Variants in PLEKHG4B observed in about 807,000 individuals in gnomAD.
The protein encoded by PLEKHG4B is pleckstrin homology and RhoGEF domain containing G4B, also known as pleckstrin homology domain-containing family G member 4B.
In PLEKHG4B, 111 loss-of-function variants were observed where a neutral mutation model predicts 121.3. The observed-to-expected ratio is 0.92, with a 90% CI of 0.78 to 1.07. The LOEUF is 1.07. Ranked by LOEUF, PLEKHG4B falls within the 50% of genes least tolerant of loss-of-function variation. The pLI, the probability that PLEKHG4B is intolerant of heterozygous loss-of-function variation, is 0.00. For synonymous variants in PLEKHG4B, 738 were observed against 725.0 expected, an observed-to-expected ratio of 1.02 and a Z score of -0.29; for missense variants, 1,831 against 1,757.8, an observed-to-expected ratio of 1.04 and a Z score of -0.74.
In PLEKHG4B at chr5:154,847, A is replaced by G. The variant is rs377259632; in HGVS notation, c.1993-28A>G. Reference sequence around the variant, plus strand: ...GCCCCCAAGAGATGCATCTGGAGCCATGACCAACGAGTGCCTCTTCTTGGC... The same window carrying G: ...GCCCCCAAGAGATGCATCTGGAGCCGTGACCAACGAGTGCCTCTTCTTGGC... On this transcript the variant is annotated intron_variant, in intron 7 of 19. Transcript: ENST00000637938. 3.1e-5 allele frequency: 49 copies of G among 1,568,492 alleles called. 2 individuals carry two copies. The African/African-American group carries it at 3.4e-4, about 11-fold the overall frequency.
intron 6 of PLEKHG4B, among the ~76,000 whole-genome samples, chr5:146,540 A>C (rs1348375112): frequency 1.5e-4 from 12 of 79,036 alleles, no homozygotes; most frequent in Non-Finnish European, 1.6e-4. Flanking sequence ...CCTCTTCCCC[A>C]ACCTAAAGTC....
In PLEKHG4B at chr5:156,659, T is replaced by C; in HGVS notation, c.2349-114T>C. On this transcript the variant is annotated intron_variant, in intron 10 of 19. Transcript: ENST00000637938. This position sits in a 1 kb window ranked among gnomAD's most constrained non-coding sequence, Gnocchi z 4.4. ...TGTGGGCCTCCTCCTGGGGCTCCCG[T>C]TGCCTTGTGGCATGAGGGAATGGAA... is the stretch of plus-strand genomic sequence containing the variant. 1 of 1,365,088 alleles carries C rather than the reference T, an allele frequency of 7.3e-7. No homozygotes were observed. Among genetic ancestry groups the C allele is most frequent in the Non-Finnish European group, 9.8e-7 (1 of 1,016,678 alleles). 84.6% of individuals were successfully genotyped at this position (1,365,088 alleles called of 1,614,324 possible).
At chr5:106,733 A>G (rs892512347) in intron 1 of PLEKHG4B, among the ~76,000 whole-genome samples, 4 of 152,350 alleles carry the variant, frequency 2.6e-5, no homozygotes, top group South Asian at 4.1e-4. Context: ...GCCGGAGCCC[A>G]GGGTGGCTGC....
chr5:165,382 C>G (rs866961467), intron 13 of PLEKHG4B, among the ~76,000 whole-genome samples: 11 of 15,408 alleles, frequency 7.1e-4, no homozygotes, highest in African/African-American at 1.4e-3. Context: ...TCACAGTAAT[C>G]CTCTGACGGG....
At chr5:151,177 C>T (rs541477229) in intron 6 of PLEKHG4B, among the ~76,000 whole-genome samples, 7 of 152,240 alleles carry the variant, frequency 4.6e-5, no homozygotes, top group South Asian at 4.1e-4. Flanking sequence ...GGCTTGGCTA[C>T]GAAGAGGCAC....
At chr5:122,910 A>C (rs914309582) in intron 2 of PLEKHG4B, among the ~76,000 whole-genome samples, 25 of 152,226 alleles carry the variant, frequency 1.6e-4, no homozygotes, top group African/African-American at 4.6e-4. Context: ...AGTACCTAAT[A>C]ATAGAGTTTC....
rs1262538441 is a variant in PLEKHG4B at position 155,453 on chromosome 5, C to T, written c.2208+10C>T. ...CCCAAGAACAGCCCAGGTGAGTCCTCAGACTTGCAGGTAAGTTCATTTCAT... is the reference window on the plus strand; with the variant it reads ...CCCAAGAACAGCCCAGGTGAGTCCTTAGACTTGCAGGTAAGTTCATTTCAT... On this transcript the variant is annotated intron_variant, in intron 9 of 19. Coordinates refer to ENST00000637938, the MANE Select transcript of PLEKHG4B (RefSeq NM_052909.5). The T allele has an allele frequency of 1.9e-6, 3 of 1,605,384 alleles. No individual in the cohort carries two copies. In the South Asian group the frequency reaches 3.3e-5, roughly 18 times the overall value.
At chr5:164,101 G>A (rs1431568515) in intron 13 of PLEKHG4B, among the ~76,000 whole-genome samples, 2 of 152,260 alleles carry the variant, frequency 1.3e-5, no homozygotes, top group African/African-American at 4.8e-5. Flanking sequence ...GGTCGTGAGG[G>A]CTAGAGGTGG....
At chr5:115,903 A>G (rs755798697) in intron 2 of PLEKHG4B, among the ~76,000 whole-genome samples, 2 of 152,174 alleles carry the variant, frequency 1.3e-5, no homozygotes, top group Non-Finnish European at 1.5e-5. Context: ...TGTCAGCAAT[A>G]AGGCTGTTTC....
In PLEKHG4B at chr5:187,697, A is replaced by G. The variant is rs1019486508; in HGVS notation, c.*5374A>G. The stretch of plus-strand genomic sequence containing the variant: ...CACCACCAGGCTGCCTGACCAGCTC[A>G]CCGCCTTGTTCTAGATGCTTCTGAA... On this transcript the variant is annotated 3_prime_UTR_variant, in exon 20 of 20. Coordinates refer to ENST00000637938, the MANE Select transcript of PLEKHG4B (RefSeq NM_052909.5). 1.3e-5 allele frequency: 2 copies of G among 152,382 alleles called. No homozygotes were observed. Among genetic ancestry groups the G allele is most frequent in the Non-Finnish European group, 2.9e-5 (2 of 68,244 alleles). 9.4% of individuals were successfully genotyped at this position (152,382 alleles called of 1,614,324 possible).
At position 189,842 on chromosome 5, in the gene PLEKHG4B, G is replaced by A. The variant is rs1733742378; in HGVS notation, c.*7519G>A. 6.6e-6 allele frequency: 1 copy of A among 152,212 alleles called. No homozygotes were observed. The allele number at this position is 152,212 out of a possible 1,614,324, so 9.4% of individuals were successfully genotyped here. ...CCCGAGTAGGTAAAGGAAGGTTCTG[G>A]AAACCACTTTTCAGAACCCAAAAGG... On this transcript the variant is annotated 3_prime_UTR_variant, in exon 20 of 20. Coordinates refer to ENST00000637938, the MANE Select transcript of PLEKHG4B (RefSeq NM_052909.5).
In PLEKHG4B at chr5:113,500, C is replaced by T; in HGVS notation, c.243+52C>T. 2.5e-6 allele frequency: 1 copy of T among 398,972 alleles called. No homozygotes were observed. The highest frequency in any genetic ancestry group is 4.4e-6 in the Non-Finnish European group (1 of 226,086). 24.7% of individuals were successfully genotyped at this position (398,972 alleles called of 1,614,324 possible). ...ACCGTGGCCAACCTGGAGGAACCTGCCCTTTCCCTGGGCAGGGCAGGAATT... is the reference window on the plus strand; with the variant it reads ...ACCGTGGCCAACCTGGAGGAACCTGTCCTTTCCCTGGGCAGGGCAGGAATT... On this transcript the variant is annotated intron_variant, in intron 2 of 19. Transcript: ENST00000637938. The surrounding 1 kb of genome is among the most constrained non-coding windows in gnomAD (Gnocchi z 5.2).
At chr5:94,342 G>A (rs1733564932) in intron 1 of PLEKHG4B, among the ~76,000 whole-genome samples, 1 of 152,242 alleles carries the variant, frequency 6.6e-6, no homozygotes, top group Non-Finnish European at 1.5e-5. Flanking sequence ...GACCTCAGGT[G>A]CCACGTGTGT....
At position 151,522 on chromosome 5, in the gene PLEKHG4B, T is replaced by C; in HGVS notation, c.1915T>C (p.Ser639Pro). 6.4e-7 allele frequency: 1 copy of C among 1,559,012 alleles called. No individual in the cohort carries two copies. The highest frequency in any genetic ancestry group is 8.8e-7 in the Non-Finnish European group (1 of 1,135,706). Residue 639 changes from serine (S) to proline (P), a missense_variant, in exon 7 of 20, where the codon TCT becomes CCT. Transcript: ENST00000637938. ...QALSGLQNNT[S>P]PIIHSILLLV... Reference sequence around the variant, plus strand: ...TTCTTATTTATTTCAGAACAACACATCTCCTATAATTCATAGTATCTTGCT... The same window carrying C: ...TTCTTATTTATTTCAGAACAACACACCTCCTATAATTCATAGTATCTTGCT...
intron 1 of PLEKHG4B, among the ~76,000 whole-genome samples, chr5:100,963 A>G (rs1733788454): frequency 9.5e-6 from 1 of 105,552 alleles, no homozygotes; most frequent in Non-Finnish European, 1.8e-5. Context: ...GTAAATCCAT[A>G]TAAAGCCCTG....
At chr5:109,747 C>G (rs897517142) in intron 1 of PLEKHG4B, among the ~76,000 whole-genome samples, 1 of 152,230 alleles carries the variant, frequency 6.6e-6, no homozygotes. Flanking sequence ...TTTCGGACAC[C>G]GTCTTCCATT....
rs1733569967 is a variant in PLEKHG4B at position 184,947 on chromosome 5, T to A, written c.*2624T>A. On this transcript the variant is annotated 3_prime_UTR_variant, in exon 20 of 20. Coordinates refer to ENST00000637938, the MANE Select transcript of PLEKHG4B (RefSeq NM_052909.5). ...TTGTACTATACGCACAGGTAAACTG[T>A]GTGACCACAGCAGCGTGATGGCTGG... 6.6e-6 allele frequency: 1 copy of A among 152,252 alleles called. No individual in the cohort carries two copies. Among genetic ancestry groups the A allele is most frequent in the African/African-American group, 2.4e-5 (1 of 41,462 alleles). The allele number at this position is 152,252 out of a possible 1,614,324, so 9.4% of individuals were successfully genotyped here. A position where few individuals can be genotyped will look rare whatever the true frequency, so the allele number is the denominator to read the frequency against.
At chr5:122,010 C>T (rs1734483441) in intron 2 of PLEKHG4B, among the ~76,000 whole-genome samples, 1 of 140,114 alleles carries the variant, frequency 7.1e-6, no homozygotes, top group Non-Finnish European at 1.7e-5. Context: ...AAATATATGA[C>T]AACAAAAGCA....
chr5:142,390 C>A (rs566580828), intron 3 of PLEKHG4B, among the ~76,000 whole-genome samples: 1 of 152,002 alleles, frequency 6.6e-6, no homozygotes, highest in Non-Finnish European at 1.5e-5. Context: ...CACACAGAAT[C>A]ACACAACACA....
Sources: gnomAD v4.1 joint callset for allele counts (sites outside exome capture counted in the v4.1 genomes callset) on GRCh38, gnomAD v4.1.1 for gene constraint, Gnocchi (gnomAD v3.1) non-coding constraint, MANE v1.5 for transcripts, NCBI Gene and HGNC (gene_info 2026-07-23, HGNC 2026-07-21) for gene names.